The following COL5A1 variants were observed in gnomAD, a reference collection of about 807,000 sequenced individuals.
COL5A1 encodes the protein collagen alpha-1(V) chain.
A neutral mutation model predicts 263.7 loss-of-function variants in COL5A1; 16 were observed. The ratio of observed to expected loss-of-function variants is 0.06; its 90% CI spans 0.04 to 0.09. COL5A1 has a LOEUF of 0.09. COL5A1 is among the 10% of genes least tolerant of loss of function. COL5A1 has a pLI of 1.00. For missense variants in COL5A1, 2,036 were observed against 2,540.5 expected, an observed-to-expected ratio of 0.80 and a Z score of 4.27; for synonymous variants, 1,012 against 1,004.5, an observed-to-expected ratio of 1.01 and a Z score of -0.14.
chr9:134,724,389 C>T (rs1461059541), intron 4 of COL5A1, among the ~76,000 whole-genome samples: 2 of 152,218 alleles, frequency 1.3e-5, no homozygotes, highest in Non-Finnish European at 2.9e-5. Context: ...GCCACACAGC[C>T]AGGCAACGGC....
intron 41 of COL5A1, among the ~76,000 whole-genome samples, chr9:134,805,978 C>T (rs1224538956): frequency 2.0e-5 from 3 of 152,132 alleles, no homozygotes; most frequent in East Asian, 1.9e-4. Flanking sequence ...TGTCAGACAC[C>T]AGGGGGAGGA....
Position 134,814,791 on chromosome 9 carries a change from C to T in COL5A1, c.3907-6C>T. On this transcript the variant is annotated splice_polypyrimidine_tract_variant and splice_region_variant and intron_variant, in intron 49 of 65. Coordinates refer to ENST00000371817, the MANE Select transcript of COL5A1 (RefSeq NM_000093.5). ...TGAGGACTTGACACTGGCCTCTTTC[C>T]TCCAGGGACCCAAAGGAGAAAGGGG... 1 of 1,550,546 alleles carries T rather than the reference C, an allele frequency of 6.4e-7. No homozygotes were observed. The highest frequency in any genetic ancestry group is 1.2e-5 in the South Asian group (1 of 84,058).
intron 39 of COL5A1, among the ~76,000 whole-genome samples, chr9:134,804,579 C>T (rs538286394): frequency 5.6e-4 from 86 of 152,304 alleles, no homozygotes; most frequent in African/African-American, 1.8e-3. Context: ...GGAAGGACCC[C>T]GGAACTCCGT....
intron 57 of COL5A1, among the ~76,000 whole-genome samples, chr9:134,819,402 G>A (rs1355725476): frequency 6.6e-6 from 1 of 152,262 alleles, no homozygotes; most frequent in Admixed American, 6.5e-5. Context: ...CGCAGGAGGT[G>A]TGAGGACATT....
At chr9:134,666,377 A>C (rs1409249716) in intron 1 of COL5A1, among the ~76,000 whole-genome samples, 1 of 143,184 alleles carries the variant, frequency 7.0e-6, no homozygotes, top group Non-Finnish European at 1.5e-5. Context: ...CATTCTGCTC[A>C]GGCCCATGGC....
chr9:134,808,009 G>A lies in COL5A1; in HGVS notation c.3367-1174G>A, dbSNP rs959015549. The stretch of plus-strand genomic sequence containing the variant: ...AGGTTGGACGTCTCTGAGAACTCCC[G>A]ACCTGACCAGGAATGTAGGACAGGA... On this transcript the variant is annotated intron_variant, in intron 42 of 65. Coordinates refer to ENST00000371817, the MANE Select transcript of COL5A1 (RefSeq NM_000093.5). Among the ~76,000 whole-genome samples the A allele has an allele frequency of 5.3e-5, 8 of 152,278 alleles. No homozygotes were observed. In the Middle Eastern group the frequency reaches 0.01, roughly 194 times the overall value.
In COL5A1 at chr9:134,756,831, C is replaced by G. The variant is rs753635328; in HGVS notation, c.1881+13C>G. 1 of 1,613,292 alleles carries G rather than the reference C, an allele frequency of 6.2e-7. No homozygotes were observed. The highest frequency in any genetic ancestry group is 8.5e-7 in the Non-Finnish European group (1 of 1,179,360). The stretch of plus-strand genomic sequence containing the variant: ...AACTGGCCCCAAGGTAGGTCACCCA[C>G]CACCCTCCTGGTGCCCTGGCATCAC... On this transcript the variant is annotated intron_variant, in intron 17 of 65. Coordinates refer to ENST00000371817, the MANE Select transcript of COL5A1 (RefSeq NM_000093.5).
Position 134,823,419 on chromosome 9 carries a change from C to T in COL5A1, c.4648C>T (p.Pro1550Ser). 6.2e-7 allele frequency: 1 copy of T among 1,614,210 alleles called. No individual in the cohort carries two copies. Among genetic ancestry groups the T allele is most frequent in the Non-Finnish European group, 8.5e-7 (1 of 1,180,028 alleles). Residue 1550 changes from proline to serine, a missense_variant, in exon 61 of 66, where the codon CCA becomes TCA. Pro to Ser is a moderately conservative substitution (Grantham distance 74). Coordinates refer to ENST00000371817, the MANE Select transcript of COL5A1 (RefSeq NM_000093.5). ...GPKGAKGSSG[P>S]TGPKGEAGHP... ...TGATTCTTTTCTTTCTCCCCAGGGT[C>T]CAACTGGCCCGAAGGGTGAGGCAGG...
intron 46 of COL5A1, 41 bp from the exon 47 acceptor site, chr9:134,812,408 A>G: frequency 1.9e-6 from 3 of 1,607,026 alleles, no homozygotes; most frequent in South Asian, 1.1e-5. Flanking sequence ...TGACATACAC[A>G]TGACAGAACA....
In COL5A1 at chr9:134,789,088, G is replaced by C; in HGVS notation, c.2647-67G>C. ...GCACTGGCATGCAGGTGGTCCCCCA[G>C]GCGGCCCATGCAGCATGACTCATTC... On this transcript the variant is annotated intron_variant, in intron 31 of 65. Transcript: ENST00000371817. The surrounding 1 kb of genome is among the most constrained non-coding windows in gnomAD (Gnocchi z 4.8). The C allele has an allele frequency of 7.0e-7, 1 of 1,437,822 alleles. No individual in the cohort carries two copies. The allele number at this position is 1,437,822 out of a possible 1,614,324, so 89.1% of individuals were successfully genotyped here. A position where few individuals can be genotyped will look rare whatever the true frequency, so the allele number is the denominator to read the frequency against.
intron 4 of COL5A1, among the ~76,000 whole-genome samples, chr9:134,723,288 C>T (rs912976014): frequency 1.1e-4 from 17 of 150,520 alleles, no homozygotes; most frequent in African/African-American, 3.2e-4. Flanking sequence ...GGGGGCTCGG[C>T]GGTGCTGTCC....
At chr9:134,793,033 A>G (rs955852438) in intron 32 of COL5A1, among the ~76,000 whole-genome samples, 2 of 152,092 alleles carry the variant, frequency 1.3e-5, no homozygotes, top group South Asian at 2.1e-4. Flanking sequence ...GACCTTGACT[A>G]TGGGCCAGAC....
rs201556585 is a variant in COL5A1 at position 134,785,048 on chromosome 9, C to G, written c.2544C>G (p.Arg848=). 1 of 1,613,274 alleles carries G rather than the reference C, an allele frequency of 6.2e-7. No homozygotes were observed. Among genetic ancestry groups the G allele is most frequent in the African/African-American group, 1.3e-5 (1 of 74,912 alleles). Residue 848 remains arginine, a synonymous_variant, in exon 30 of 66, where the codon CGC becomes CGG. Transcript: ENST00000371817. The part of the protein sequence containing the change: ...GEDGPEGPKG[R]GGPNGDPGPL... ...ATGGCCCTGAAGGCCCAAAGGGTCG[C>G]GGAGGTCCCAATGGTGACCCCGGTC...
At chr9:134,815,479 G>A (rs889024782) in intron 50 of COL5A1, 97 bp from the exon 51 acceptor site, 19 of 1,222,638 alleles carry the variant, frequency 1.6e-5, no homozygotes, top group Non-Finnish European at 2.3e-5. Context: ...GCTGGACGGT[G>A]GCAGGTGGCC....
Position 134,772,657 on chromosome 9 carries a change from C to T in COL5A1, c.2287-133C>T, listed in dbSNP as rs1564449258. 5 of 1,019,876 alleles carry T rather than the reference C, an allele frequency of 4.9e-6. No individual in the cohort carries two copies. In the East Asian group the frequency reaches 1.2e-4, roughly 24 times the overall value. 63.2% of individuals were successfully genotyped at this position (1,019,876 alleles called of 1,614,324 possible). A position where few individuals can be genotyped will look rare whatever the true frequency, so the allele number is the denominator to read the frequency against. ...CTGCCTGGCCAGCTGCCTTCGACTT[C>T]TGGTGCTCTCAGTTTTCCTGGGGAG... On this transcript the variant is annotated intron_variant, in intron 25 of 65. Coordinates refer to ENST00000371817, the MANE Select transcript of COL5A1 (RefSeq NM_000093.5).
chr9:134,695,452 C>T (rs1051725471), intron 2 of COL5A1, among the ~76,000 whole-genome samples: 6 of 152,160 alleles, frequency 3.9e-5, no homozygotes, highest in Admixed American at 6.5e-5. Context: ...GAGTGCTGGA[C>T]GAGGGTGGCA....
rs993384011 is a variant in COL5A1, at chr9:134,842,893, T to C, written c.*590T>C. ...TTTGTGAGTTTTAAGTAAATATTTG[T>C]ATTGTATTGTTATAAATGTTAAGTG... On this transcript the variant is annotated 3_prime_UTR_variant, in exon 66 of 66. Coordinates refer to ENST00000371817, the MANE Select transcript of COL5A1 (RefSeq NM_000093.5). This position sits in a 1 kb window ranked among gnomAD's most constrained non-coding sequence, Gnocchi z 5.8. 3.1e-5 allele frequency: 5 copies of C among 163,008 alleles called. No individual in the cohort carries two copies. Among genetic ancestry groups the C allele is most frequent in the African/African-American group, 1.2e-4 (5 of 41,566 alleles). The allele number at this position is 163,008 out of a possible 1,614,324, so 10.1% of individuals were successfully genotyped here.
At chr9:134,673,388 G>A (rs987737970) in intron 1 of COL5A1, among the ~76,000 whole-genome samples, 5 of 150,836 alleles carry the variant, frequency 3.3e-5, no homozygotes, top group Non-Finnish European at 5.9e-5. Flanking sequence ...CCATAAAAGT[G>A]CTAAGATGCT....
At chr9:134,674,878 C>G (rs1362741118) in intron 1 of COL5A1, among the ~76,000 whole-genome samples, 1 of 150,276 alleles carries the variant, frequency 6.7e-6, no homozygotes, top group Non-Finnish European at 1.5e-5. Flanking sequence ...GAGACTCCAT[C>G]TCAAAAAAAA....
Sources: allele counts gnomAD v4.1 joint callset (sites outside exome capture counted in the v4.1 genomes callset), GRCh38; gene constraint gnomAD v4.1.1; non-coding constraint Gnocchi (gnomAD v3.1); transcripts MANE v1.5; gene names NCBI Gene and HGNC (gene_info 2026-07-23, HGNC 2026-07-21).